Variants in TRAPPC11 observed in about 807,000 individuals in gnomAD.
TRAPPC11 encodes foie gras homolog.
Under a neutral mutation model 151.2 loss-of-function variants are expected in TRAPPC11, and 104 were observed. That is an observed-to-expected ratio of 0.69 (90% CI 0.59 to 0.81). The LOEUF is 0.81. Among genes scored for constraint, TRAPPC11 ranks in the 30% least tolerant of loss-of-function variants. The pLI is 0.00. For synonymous variants in TRAPPC11, 456 were observed against 472.3 expected (o/e 0.97, Z 0.45); for missense variants, 1,230 against 1,349.6 (o/e 0.91, Z 1.39).
intron 27 of TRAPPC11, among the ~76,000 whole-genome samples, chr4:183,705,586 C>T (rs1737015580): frequency 6.6e-6 from 1 of 152,154 alleles, no homozygotes; most frequent in African/African-American, 2.4e-5. Context: ...TCCAATACCG[C>T]TTTCTCTACC....
chr4:183,710,577 C>T (rs547765609), intron 29 of TRAPPC11, among the ~76,000 whole-genome samples: 14 of 151,702 alleles, frequency 9.2e-5, no homozygotes, highest in African/African-American at 2.9e-4. Context: ...TGAGCCACTG[C>T]GCCCGGCCTA....
chr4:183,664,093 G>GTGTTCTT, intron 2 of TRAPPC11, 22 bp downstream of exon 2: 1 of 1,583,970 alleles, frequency 6.3e-7, no homozygotes, highest in Non-Finnish European at 8.6e-7. Context: ...GTGATGGCAT[G>GTGTTCTT]TGTTCTTTCC....
chr4:183,706,995 G>C, intron 28 of TRAPPC11, 55 bp downstream of exon 28: 4 of 1,595,926 alleles, frequency 2.5e-6, no homozygotes, highest in Non-Finnish European at 3.4e-6. Context: ...CCAGGAAACG[G>C]AGAGCTGTAC....
Position 183,684,802 on chromosome 4 carries a change from A to G in TRAPPC11, c.1528A>G (p.Lys510Glu). Residue 510 changes from lysine to glutamate, a missense_variant, in exon 15 of 30, where the codon AAG becomes GAG. By Grantham distance (56) the Lys-to-Glu change is moderately conservative (BLOSUM62 1). Transcript: ENST00000334690. ...GTGCTCCTACCTCATGGCCCAATTA[A>G]AGGATTACATTACTTACTCCCTAGA... ...LKCSYLMAQL[K>E]DYITYSLELL... 1 of 1,614,004 alleles carries G rather than the reference A, an allele frequency of 6.2e-7. No individual in the cohort carries two copies. Among genetic ancestry groups the G allele is most frequent in the African/African-American group, 1.3e-5 (1 of 75,036 alleles).
intron 25 of TRAPPC11, among the ~76,000 whole-genome samples, chr4:183,698,584 G>A (rs1050412472): frequency 1.3e-5 from 2 of 152,194 alleles, no homozygotes; most frequent in African/African-American, 4.8e-5. Context: ...AGTCAAAGAG[G>A]ATGATGTATG....
rs916855173 is a variant in TRAPPC11, at chr4:183,706,745, A to T, written c.3056-62A>T. The T allele has an allele frequency of 3.9e-6, 6 of 1,553,438 alleles. No individual in the cohort carries two copies. In the African/African-American group the frequency reaches 8.2e-5, roughly 21 times the overall value. ...CCACAGAATGAGATTCATTTACAAAACGAAGCCATAAGTGGGGAGCTATTT... is the reference window on the plus strand; with the variant it reads ...CCACAGAATGAGATTCATTTACAAATCGAAGCCATAAGTGGGGAGCTATTT... On this transcript the variant is annotated intron_variant, in intron 27 of 29. Coordinates refer to ENST00000334690, the MANE Select transcript of TRAPPC11 (RefSeq NM_021942.6).
At chr4:183,673,535 G>A (rs183060838) in intron 5 of TRAPPC11, among the ~76,000 whole-genome samples, 40 of 152,036 alleles carry the variant, frequency 2.6e-4, no homozygotes, top group Admixed American at 1.4e-3. Flanking sequence ...TTAGCTGGGC[G>A]TGGTCATGTA....
chr4:183,694,828 C>CTTAT, intron 23 of TRAPPC11, 105 bp downstream of exon 23: 3 of 1,142,002 alleles, frequency 2.6e-6, no homozygotes, highest in Non-Finnish European at 3.7e-6. Context: ...AGTTTAGGTG[C>CTTAT]TTATAGTCTG....
chr4:183,681,672 G>C (rs1049119407), intron 10 of TRAPPC11, among the ~76,000 whole-genome samples: 3 of 151,890 alleles, frequency 2.0e-5, no homozygotes, highest in Admixed American at 6.6e-5. Flanking sequence ...CCCAGCTACT[G>C]GGGAGGCTGA....
Position 183,679,489 on chromosome 4 carries a change from ATG to A in TRAPPC11, c.965+5_965+6del. The A allele has an allele frequency of 6.3e-7, 1 of 1,588,010 alleles. No individual in the cohort carries two copies. The highest frequency in any genetic ancestry group is 8.6e-7 in the Non-Finnish European group (1 of 1,169,206). ...CATGATGCATGGATGTCTAAACAGT[ATG>A]TTTTACATTGTCCTTTTAGAATTTT... On this transcript the variant is annotated splice_donor_5th_base_variant and intron_variant, in intron 9 of 29. Transcript: ENST00000334690.
intron 18 of TRAPPC11, among the ~76,000 whole-genome samples, chr4:183,689,141 A>G (rs754260699): frequency 3.9e-5 from 6 of 152,334 alleles, no homozygotes; most frequent in Admixed American, 1.3e-4. Context: ...GAAGCCAATT[A>G]GAGGCTCTTT....
In TRAPPC11 at chr4:183,666,441, G is replaced by A; in HGVS notation, c.374+15G>A. The stretch of plus-strand genomic sequence containing the variant: ...GAAATAGTCAGGTATGATCTTCTGT[G>A]TCAGGGCAGCTATGTCAGTTTGCAC... On this transcript the variant is annotated intron_variant, in intron 3 of 29. Transcript: ENST00000334690. 6.2e-7 allele frequency: 1 copy of A among 1,609,702 alleles called. No homozygotes were observed.
chr4:183,673,005 C>T (rs1252330363), intron 5 of TRAPPC11, among the ~76,000 whole-genome samples: 3 of 148,478 alleles, frequency 2.0e-5, no homozygotes, highest in Non-Finnish European at 4.4e-5. Flanking sequence ...CTCTGTTGCC[C>T]AGGCTGGAGT....
chr4:183,697,538 T>G lies in TRAPPC11; in HGVS notation c.2664T>G (p.Phe888Leu). 2 of 1,604,814 alleles carry G rather than the reference T, an allele frequency of 1.2e-6. No individual in the cohort carries two copies. The highest frequency in any genetic ancestry group is 1.7e-6 in the Non-Finnish European group (2 of 1,178,118). ...TAACAATTGAAACAGTCTTTCCATT[T>G]GATGTTGCGGTTAAATTTGTTTCTA... The part of the protein sequence containing the change: ...ETVTIETVFP[F>L]DVAVKFVSTK... The change falls in exon 24 of 30, where the codon TTT (phenylalanine) becomes TTG (leucine). Residue 888 changes from phenylalanine (F) to leucine (L), a missense_variant. Phe to Leu is a conservative substitution (Grantham distance 22). Transcript: ENST00000334690.
intron 10 of TRAPPC11, 61 bp from the exon 11 acceptor site, chr4:183,682,671 C>A: frequency 8.9e-7 from 1 of 1,123,350 alleles, no homozygotes; most frequent in Non-Finnish European, 1.3e-6. Context: ...AAAGGTTGGG[C>A]AAGAGTTGAT....
intron 1 of TRAPPC11, among the ~76,000 whole-genome samples, chr4:183,660,194 G>T (rs1044206964): frequency 6.6e-6 from 1 of 152,186 alleles, no homozygotes; most frequent in East Asian, 1.9e-4. Context: ...GACCATTTCA[G>T]GTGACATAGG....
rs1031991321 is a variant in TRAPPC11, at chr4:183,677,285, CCT to C, written c.735-169_735-168del. ...TCTGTTCTTTATGAAATCATTGATT[CCT>C]CTCATATATTTAATAACTAATGGCT... is the stretch of plus-strand genomic sequence containing the variant. On this transcript the variant is annotated intron_variant, in intron 7 of 29. Coordinates refer to ENST00000334690, the MANE Select transcript of TRAPPC11 (RefSeq NM_021942.6). 2.1e-4 allele frequency among the ~76,000 whole-genome samples: 32 copies of C among 152,194 alleles called. 1 individual carries two copies. Among genetic ancestry groups the C allele is most frequent in the African/African-American group, 7.5e-4 (31 of 41,528 alleles).
At chr4:183,711,791 C>G (rs909413528) in intron 29 of TRAPPC11, among the ~76,000 whole-genome samples, 2 of 152,072 alleles carry the variant, frequency 1.3e-5, no homozygotes, top group African/African-American at 4.8e-5. Context: ...TGTTTCATTT[C>G]CTGATCATCT....
chr4:183,691,249 C>T (rs1417679396), intron 18 of TRAPPC11, 67 bp from the exon 19 acceptor site: 1 of 1,289,898 alleles, frequency 7.8e-7, no homozygotes, highest in Non-Finnish European at 1.0e-6. Flanking sequence ...TAAATGAGCT[C>T]CAAAGCACTT....
Sources: allele counts gnomAD v4.1 joint callset (sites outside exome capture counted in the v4.1 genomes callset), GRCh38; gene constraint gnomAD v4.1.1; transcripts MANE v1.5; gene names NCBI Gene and HGNC (gene_info 2026-07-23, HGNC 2026-07-21).